NEK7: variants seen among roughly 807,000 people sequenced by gnomAD.
NEK7 encodes the protein NIMA related kinase 7.
NEK7 carries 18 observed loss-of-function variants against 44.6 expected under a neutral mutation model. That is an observed-to-expected ratio of 0.40 (90% CI 0.28 to 0.60). The LOEUF (loss-of-function observed/expected upper bound fraction) is 0.60, where lower values mean the gene tolerates loss of function less well. Among genes scored for constraint, NEK7 ranks in the 20% least tolerant of loss-of-function variants. The pLI, the probability that NEK7 is intolerant of heterozygous loss-of-function variation, is 0.38. For synonymous variants in NEK7, 130 were observed against 121.1 expected (o/e 1.07, Z -0.48); for missense variants, 256 against 366.5 (o/e 0.70, Z 2.46).
intron 1 of NEK7, chr1:198,208,599 C>CTTTTTTTGTAATGGTATTTGGTAATGGT (rs1665665806): frequency 6.6e-6 from 1 of 152,016 alleles, no homozygotes; most frequent in Admixed American, 6.5e-5. Flanking sequence ...GTTGGTAATG[C>CTTTTTTTGTAATGGTATTTGGTAATGGT]ATTTATTAAT....
intron 1 of NEK7, among the ~76,000 whole-genome samples, chr1:198,229,374 C>T (rs1455452296): frequency 2.6e-5 from 4 of 152,172 alleles, no homozygotes; most frequent in African/African-American, 9.7e-5. Context: ...AAACGTATTT[C>T]CCCTCCTGAG....
chr1:198,232,351 T>C (rs982696203), intron 1 of NEK7, among the ~76,000 whole-genome samples: 1 of 152,056 alleles, frequency 6.6e-6, no homozygotes, highest in African/African-American at 2.4e-5. Flanking sequence ...TTTGGAGAAG[T>C]GGAAATGGTT....
chr1:198,220,200 T>A (rs1350253875), intron 1 of NEK7, among the ~76,000 whole-genome samples: 1 of 152,038 alleles, frequency 6.6e-6, no homozygotes, highest in African/African-American at 2.4e-5. Flanking sequence ...TTGTACCAAA[T>A]GTGGCCGATG....
At chr1:198,279,178 C>T (rs1654112688) in intron 7 of NEK7, 117 bp downstream of exon 7, 2 of 645,862 alleles carry the variant, frequency 3.1e-6, no homozygotes, top group South Asian at 3.9e-5. Context: ...TTAAAAATCA[C>T]CAGGTCCTGA....
At chr1:198,198,273 C>G in intron 1 of NEK7, 1 of 499,132 alleles carries the variant, frequency 2.0e-6, no homozygotes, top group Non-Finnish European at 3.7e-6. Context: ...GGGAACCCCC[C>G]ATGTGACCAC....
chr1:198,231,472 A>G (rs1435362770), intron 1 of NEK7, among the ~76,000 whole-genome samples: 2 of 151,344 alleles, frequency 1.3e-5, no homozygotes, highest in Admixed American at 1.3e-4. Flanking sequence ...ACTTTGCCTT[A>G]TATCATAAAA....
At chr1:198,296,420 T>A (rs1348152038) in intron 8 of NEK7, among the ~76,000 whole-genome samples, 3 of 152,234 alleles carry the variant, frequency 2.0e-5, no homozygotes, top group African/African-American at 4.8e-5. Context: ...TTAAAATAAA[T>A]TTAAATTCGA....
intron 3 of NEK7, among the ~76,000 whole-genome samples, chr1:198,262,235 G>T (rs1041921976): frequency 6.6e-6 from 1 of 151,898 alleles, no homozygotes; most frequent in African/African-American, 2.4e-5. Flanking sequence ...TCATAAGGTT[G>T]TGCAGTACAT....
intron 1 of NEK7, among the ~76,000 whole-genome samples, chr1:198,157,569 G>A (rs934030650): frequency 1.3e-5 from 2 of 152,234 alleles, no homozygotes; most frequent in African/African-American, 4.8e-5. Context: ...CGTGGCCACG[G>A]CGGCGGCGGC....
chr1:198,262,610 T>C lies in NEK7; in HGVS notation c.234T>C (p.Asp78=), dbSNP rs751434284. 2 of 1,597,068 alleles carry C rather than the reference T, an allele frequency of 1.3e-6. No homozygotes were observed. The highest frequency in any genetic ancestry group is 2.2e-5 in the East Asian group (1 of 44,552). ...FDLMDAKARA[D]CIKEIDLLKQ... ...TAATGGATGCCAAAGCACGTGCTGA[T>C]TGCATCAAAGAAATAGATCTTCTTA... The change falls in exon 4 of 10, where the codon GAT becomes GAC. Residue 78 remains aspartate, a synonymous_variant. Transcript: ENST00000367385.
intron 9 of NEK7, among the ~76,000 whole-genome samples, chr1:198,315,360 G>A (rs548932060): frequency 7.6e-4 from 115 of 152,234 alleles, no homozygotes; most frequent in Non-Finnish European, 8.5e-4. Context: ...AGATGAACCC[G>A]GTACCTCAGA....
chr1:198,287,209 C>T (rs576305035), intron 7 of NEK7, among the ~76,000 whole-genome samples: 1 of 152,090 alleles, frequency 6.6e-6, no homozygotes, highest in South Asian at 2.1e-4. Context: ...AGGCTGGGTG[C>T]GGTGGCTCAC....
At chr1:198,266,311 T>A (rs1040536365) in intron 5 of NEK7, among the ~76,000 whole-genome samples, 2 of 152,120 alleles carry the variant, frequency 1.3e-5, no homozygotes, top group Admixed American at 6.6e-5. Flanking sequence ...TAAATGATAA[T>A]AGCTATTGCC....
intron 1 of NEK7, among the ~76,000 whole-genome samples, chr1:198,212,330 G>A (rs1665797459): frequency 6.6e-6 from 1 of 152,198 alleles, no homozygotes; most frequent in Non-Finnish European, 1.5e-5. Context: ...TATGGCCTGG[G>A]GGCAGTTTTG....
At chr1:198,291,452 A>G (rs1458995804) in intron 7 of NEK7, among the ~76,000 whole-genome samples, 1 of 152,212 alleles carries the variant, frequency 6.6e-6, no homozygotes, top group African/African-American at 2.4e-5. Context: ...AATAATACAG[A>G]TTCTTTAAAC....
chr1:198,272,104 T>G (rs1329626106), intron 5 of NEK7, among the ~76,000 whole-genome samples: 1 of 151,462 alleles, frequency 6.6e-6, no homozygotes, highest in East Asian at 1.9e-4. Context: ...GGGTTTTCCT[T>G]GATACTTAAG....
chr1:198,177,854 T>C (rs886697001), intron 1 of NEK7, among the ~76,000 whole-genome samples: 5 of 151,874 alleles, frequency 3.3e-5, no homozygotes, highest in Non-Finnish European at 7.4e-5. Context: ...TTAGTGGAAT[T>C]AAGATAAGAA....
chr1:198,229,746 G>A (rs890225147), intron 1 of NEK7, among the ~76,000 whole-genome samples: 1 of 152,180 alleles, frequency 6.6e-6, no homozygotes, highest in African/African-American at 2.4e-5. Context: ...CATTCAATAT[G>A]AGAAATTTAT....
intron 3 of NEK7, among the ~76,000 whole-genome samples, chr1:198,261,934 G>A (rs1653488486): frequency 6.6e-6 from 1 of 151,728 alleles, no homozygotes; most frequent in African/African-American, 2.4e-5. Context: ...TACTGTATGT[G>A]TATCTATACT....
Sources: gnomAD v4.1 joint callset for allele counts (sites outside exome capture counted in the v4.1 genomes callset) on GRCh38, gnomAD v4.1.1 for gene constraint, MANE v1.5 for transcripts, NCBI Gene and HGNC (gene_info 2026-07-23, HGNC 2026-07-21) for gene names.